The following RHOBTB1 variants were observed in gnomAD, a reference collection of about 807,000 sequenced individuals.
The protein encoded by RHOBTB1 is rho-related BTB domain-containing protein 1.
Under a neutral mutation model 71.6 loss-of-function variants are expected in RHOBTB1, and 40 were observed. The observed-to-expected ratio is 0.56, with a 90% CI of 0.43 to 0.73. RHOBTB1 has a LOEUF of 0.73. Among genes scored for constraint, RHOBTB1 ranks in the 30% least tolerant of loss-of-function variants. The pLI is 0.00. For missense variants in RHOBTB1, 797 were observed against 894.0 expected (o/e 0.89, Z 1.38); for synonymous variants, 319 against 334.9 (o/e 0.95, Z 0.52).
chr10:60,999,608 T>C (rs2087185623), intron 1 of RHOBTB1, among the ~76,000 whole-genome samples: 1 of 152,204 alleles, frequency 6.6e-6, no homozygotes, highest in African/African-American at 2.4e-5. Context: ...GAGGAATCAA[T>C]AATTAATCCA....
At chr10:60,862,311 C>T in the RHOBTB1 span, among the ~76,000 whole-genome samples, 2 of 152,098 alleles carry the variant, frequency 1.3e-5, no homozygotes, top group African/African-American at 2.4e-5. Flanking sequence ...GATTCTCCCA[C>T]CTCAGCCTCT....
At chr10:60,989,542 C>T (rs1429480724) in intron 1 of RHOBTB1, among the ~76,000 whole-genome samples, 1 of 152,192 alleles carries the variant, frequency 6.6e-6, no homozygotes, top group Admixed American at 6.5e-5. Flanking sequence ...CATAGGCAAA[C>T]TACTGCAAAT....
At chr10:60,865,076 T>C (rs561780035), downstream of RHOBTB1, among the ~76,000 whole-genome samples, 2 of 152,306 alleles carry the variant, frequency 1.3e-5, no homozygotes, top group East Asian at 3.9e-4. Context: ...AACCTGGTAA[T>C]GGGAGAGGGG....
intron 2 of RHOBTB1, among the ~76,000 whole-genome samples, chr10:60,957,090 C>T (rs2085621313): frequency 6.6e-6 from 1 of 152,158 alleles, no homozygotes; most frequent in Non-Finnish European, 1.5e-5. Flanking sequence ...GCTGTCCTCT[C>T]CTATGATAAC....
intron 4 of RHOBTB1, among the ~76,000 whole-genome samples, chr10:60,905,733 C>T (rs1352201663): frequency 6.6e-6 from 1 of 152,096 alleles, no homozygotes; most frequent in Non-Finnish European, 1.5e-5. Flanking sequence ...GGCTGCTTGC[C>T]ATCCTAACAT....
At chr10:60,952,317 G>T (rs1482595259) in intron 2 of RHOBTB1, among the ~76,000 whole-genome samples, 2 of 152,160 alleles carry the variant, frequency 1.3e-5, no homozygotes, top group Non-Finnish European at 2.9e-5. Flanking sequence ...TCATAAACAA[G>T]TATGGGACTA....
At chr10:60,987,919 CT>C (rs71018937) in intron 1 of RHOBTB1, among the ~76,000 whole-genome samples, 135 of 53,728 alleles carry the variant, frequency 2.5e-3, no homozygotes, top group Non-Finnish European at 3.4e-3. Context: ...AAATACTCAA[CT>C]TTTTTTTTTT....
intron 2 of RHOBTB1, among the ~76,000 whole-genome samples, chr10:60,928,813 G>T (rs1330156097): frequency 6.6e-6 from 1 of 152,148 alleles, no homozygotes; most frequent in Non-Finnish European, 1.5e-5. Context: ...AATGATAAAT[G>T]CTTGAGGTTA....
Position 60,994,663 on chromosome 10 carries a change from T to G in RHOBTB1, c.-163+6736A>C, listed in dbSNP as rs142654923. Among the ~76,000 whole-genome samples, 7 of 152,252 alleles carry G rather than the reference T, an allele frequency of 4.6e-5. No homozygotes were observed. In the East Asian group the frequency reaches 1.4e-3, roughly 29 times the overall value. ...GCAATGCATTTTATTATACATTAAA[T>G]TCATTCAATAAATATTTGAGTCTAC... On this transcript the variant is annotated intron_variant, in intron 1 of 11. Transcript: ENST00000357917.
At chr10:60,974,005 A>G (rs903414028) in intron 2 of RHOBTB1, among the ~76,000 whole-genome samples, 7 of 152,062 alleles carry the variant, frequency 4.6e-5, no homozygotes, top group African/African-American at 1.7e-4. Flanking sequence ...AATAAATGCC[A>G]TTTGGTGTCT....
At chr10:60,947,737 T>C (rs1235075764), upstream of RHOBTB1, among the ~76,000 whole-genome samples, 1 of 152,184 alleles carries the variant, frequency 6.6e-6, no homozygotes, top group Admixed American at 6.5e-5. Flanking sequence ...CACTGAAGGA[T>C]ATTTGAGTAG....
At chr10:60,940,851 T>C (rs1448953507) in intron 2 of RHOBTB1, among the ~76,000 whole-genome samples, 1 of 152,220 alleles carries the variant, frequency 6.6e-6, no homozygotes, top group African/African-American at 2.4e-5. Flanking sequence ...AATGTACCAT[T>C]GATCCCCAAT....
At chr10:60,986,327 T>C (rs1275678751) in intron 1 of RHOBTB1, among the ~76,000 whole-genome samples, 1 of 150,994 alleles carries the variant, frequency 6.6e-6, no homozygotes, top group African/African-American at 2.4e-5. Context: ...AGTAAAATTA[T>C]TTATTTATGC....
intron 1 of RHOBTB1, chr10:60,986,025 C>T (rs1233023897): frequency 6.6e-6 from 1 of 152,106 alleles, no homozygotes; most frequent in African/African-American, 2.4e-5. Flanking sequence ...TTTCTCATGT[C>T]AGTGATTATT....
rs1369709526 is a variant in RHOBTB1 at position 60,889,171 on chromosome 10, C to G, written c.497G>C (p.Gly166Ala). ...RRPLARPIKR[G>A]DILPPEKGRE... Reference sequence around the variant, plus strand: ...GCCTTTTTCTGGGGGCAAAATATCCCCTCTCTTTATGGGCCTGAAATAGAA... The same window carrying G: ...GCCTTTTTCTGGGGGCAAAATATCCGCTCTCTTTATGGGCCTGAAATAGAA... The change falls in exon 6 of 11, where the codon GGG (glycine) becomes GCG (alanine). Residue 166 changes from glycine (G) to alanine (A), a missense_variant. This residue lies in a region of RHOBTB1 where 658 missense variants were observed against 681.5 expected (regional missense o/e 0.97). Transcript: ENST00000337910. 14 of 1,611,414 alleles carry G rather than the reference C, an allele frequency of 8.7e-6. No homozygotes were observed. Among genetic ancestry groups the G allele is most frequent in the Non-Finnish European group, 1.2e-5 (14 of 1,178,880 alleles).
At chr10:60,952,595 C>A (rs2085451138) in intron 2 of RHOBTB1, among the ~76,000 whole-genome samples, 1 of 152,216 alleles carries the variant, frequency 6.6e-6, no homozygotes. Flanking sequence ...AAAGTAGGTA[C>A]TACTGACAGA....
intron 1 of RHOBTB1, among the ~76,000 whole-genome samples, chr10:60,998,500 G>T (rs902198828): frequency 6.6e-6 from 1 of 152,146 alleles, no homozygotes; most frequent in East Asian, 1.9e-4. Context: ...GTTTGTAATC[G>T]GCTCCGTGAG....
In RHOBTB1 at chr10:60,931,750, C is replaced by G. The variant is rs142943666; in HGVS notation, c.-11+10054G>C. Among the ~76,000 whole-genome samples the G allele has an allele frequency of 6.6e-5, 10 of 152,204 alleles. No individual in the cohort carries two copies. In the East Asian group the frequency reaches 1.9e-3, roughly 29 times the overall value. ...GAGCCTGCTAAACCTGTTTCTTTCT[C>G]TGACTCAAGCTCTCACATAAAAAAA... On this transcript the variant is annotated intron_variant, in intron 2 of 10. Coordinates refer to ENST00000337910, the MANE Select transcript of RHOBTB1 (RefSeq NM_014836.5).
chr10:60,930,272 T>C (rs1208930531), intron 2 of RHOBTB1, among the ~76,000 whole-genome samples: 1 of 152,210 alleles, frequency 6.6e-6, no homozygotes, highest in Non-Finnish European at 1.5e-5. Flanking sequence ...CTCTATATTC[T>C]TATCTGTGAA....
Sources: gnomAD v4.1 joint callset for allele counts (sites outside exome capture counted in the v4.1 genomes callset) on GRCh38, gnomAD v4.1.1 for gene constraint, gnomAD v4.1.1 regional missense constraint, MANE v1.5 for transcripts, NCBI Gene and HGNC (gene_info 2026-07-23, HGNC 2026-07-21) for gene names.